The following FGF12 variants were observed in gnomAD, a reference collection of about 807,000 sequenced individuals.
FGF12 encodes the protein fibroblast growth factor 12B.
A neutral mutation model predicts 23.6 loss-of-function variants in FGF12; 14 were observed. The ratio of observed to expected loss-of-function variants is 0.59; its 90% CI spans 0.39 to 0.93. The LOEUF (loss-of-function observed/expected upper bound fraction) is 0.93. FGF12 is among the 40% of genes least tolerant of loss of function. The pLI is 0.00. For synonymous variants in FGF12, 62 were observed against 77.3 expected (o/e 0.80, Z 1.04); for missense variants, 175 against 217.8 (o/e 0.80, Z 1.24).
intron 4 of FGF12, among the ~76,000 whole-genome samples, chr3:192,282,452 C>T (rs866192587): frequency 6.6e-6 from 1 of 152,010 alleles, no homozygotes; most frequent in Non-Finnish European, 1.5e-5. Flanking sequence ...CACTGTGTGC[C>T]GTCCCTCCAT....
At chr3:192,327,123 G>A (rs1299690039) in intron 4 of FGF12, among the ~76,000 whole-genome samples, 2 of 152,138 alleles carry the variant, frequency 1.3e-5, no homozygotes, top group East Asian at 1.9e-4. Flanking sequence ...ACCTCACTAA[G>A]CCTCAGCTCT....
intron 2 of FGF12, among the ~76,000 whole-genome samples, chr3:192,712,268 AAAC>A (rs1325327221): frequency 6.6e-6 from 1 of 151,816 alleles, no homozygotes; most frequent in African/African-American, 2.4e-5. Context: ...TACCAGAACA[AAAC>A]AACAATAACA....
chr3:192,501,537 A>T (rs1052817242), intron 2 of FGF12, among the ~76,000 whole-genome samples: 1 of 152,214 alleles, frequency 6.6e-6, no homozygotes, highest in African/African-American at 2.4e-5. Flanking sequence ...ATGATGACTC[A>T]TCTAGGGCTA....
At chr3:192,694,749 CA>C (rs1718059826) in intron 2 of FGF12, among the ~76,000 whole-genome samples, 1 of 151,914 alleles carries the variant, frequency 6.6e-6, no homozygotes, top group African/African-American at 2.4e-5. Context: ...ACCTGGAGAA[CA>C]TTATGCTAAG....
chr3:192,649,530 T>C, intron 2 of FGF12, among the ~76,000 whole-genome samples: 1 of 152,156 alleles, frequency 6.6e-6, no homozygotes, highest in Non-Finnish European at 1.5e-5. Context: ...AAAATTACAC[T>C]GAAATATCAT....
intron 4 of FGF12, among the ~76,000 whole-genome samples, chr3:192,175,190 G>A (rs1715787274): frequency 6.6e-6 from 1 of 152,210 alleles, no homozygotes; most frequent in South Asian, 2.1e-4. Flanking sequence ...AACGGAAACA[G>A]GCAGGCTTGG....
chr3:192,461,986 G>C (rs1359210780), intron 2 of FGF12, among the ~76,000 whole-genome samples: 1 of 149,946 alleles, frequency 6.7e-6, no homozygotes, highest in Non-Finnish European at 1.5e-5. Context: ...GCGAAACTCT[G>C]TCACAAGAAA....
At chr3:192,589,310 G>T (rs1713525710) in intron 2 of FGF12, among the ~76,000 whole-genome samples, 1 of 150,100 alleles carries the variant, frequency 6.7e-6, no homozygotes, top group African/African-American at 2.5e-5. Flanking sequence ...CCTCCAGCCT[G>T]GTGACAGAGT....
At chr3:192,375,133 T>C (rs1719423685) in intron 2 of FGF12, among the ~76,000 whole-genome samples, 1 of 152,230 alleles carries the variant, frequency 6.6e-6, no homozygotes, top group Admixed American at 6.5e-5. Context: ...GATTATCTCA[T>C]TCAACATTGT....
chr3:192,541,103 A>T (rs1725352594), intron 2 of FGF12, among the ~76,000 whole-genome samples: 1 of 152,118 alleles, frequency 6.6e-6, no homozygotes. Context: ...CTTTGATTGA[A>T]GAGTTTAGTC....
At chr3:192,631,327 C>T (rs913487964) in intron 2 of FGF12, among the ~76,000 whole-genome samples, 8 of 152,226 alleles carry the variant, frequency 5.3e-5, no homozygotes, top group African/African-American at 1.9e-4. Flanking sequence ...CCTCACACTC[C>T]TCTAGCATCC....
chr3:192,511,699 T>TA lies in FGF12; in HGVS notation c.14-151162dup, dbSNP rs199650079. Among the ~76,000 whole-genome samples the TA allele has an allele frequency of 4.4e-3, 668 of 152,156 alleles. 5 individuals are homozygous for TA. Among genetic ancestry groups the TA allele is most frequent in the African/African-American group, 0.016 (648 of 41,512 alleles). ...ATTTAATGGATGGGTTTTACATGCT[T>TA]AAAAAAATTCATTTTGAGAAATGGA... On this transcript the variant is annotated intron_variant, in intron 2 of 5. Transcript: ENST00000445105.
chr3:192,458,520 T>A (rs1266039285), intron 2 of FGF12, among the ~76,000 whole-genome samples: 1 of 152,210 alleles, frequency 6.6e-6, no homozygotes, highest in Non-Finnish European at 1.5e-5. Context: ...TCACAGGTTT[T>A]TGGACTTGAA....
chr3:192,496,446 G>A (rs981849092), intron 2 of FGF12, among the ~76,000 whole-genome samples: 19 of 151,890 alleles, frequency 1.3e-4, no homozygotes, highest in Admixed American at 1.2e-3. Flanking sequence ...TGCAATATCC[G>A]CCGTCTTTTT....
chr3:192,488,013 A>C lies in FGF12; in HGVS notation c.14-127475T>G, dbSNP rs112256295. On this transcript the variant is annotated intron_variant, in intron 2 of 5. Coordinates refer to ENST00000445105, the MANE Select transcript of FGF12 (RefSeq NM_004113.6). The stretch of plus-strand genomic sequence containing the variant: ...ATATGAGATGGCTAAATGGAAAACC[A>C]TGCTCATGCTTGCTGACAAGATCTC... 3.3e-3 allele frequency among the ~76,000 whole-genome samples: 507 copies of C among 152,244 alleles called. 3 individuals are homozygous for C. Among genetic ancestry groups the C allele is most frequent in the African/African-American group, 0.011 (475 of 41,550 alleles).
intron 2 of FGF12, among the ~76,000 whole-genome samples, chr3:192,420,372 G>A (rs1721486962): frequency 1.3e-5 from 2 of 152,134 alleles, no homozygotes; most frequent in African/African-American, 4.8e-5. Flanking sequence ...AGTAATCACA[G>A]AGAAATCTGG....
chr3:192,183,402 A>G (rs1288105207), intron 4 of FGF12, among the ~76,000 whole-genome samples: 1 of 152,144 alleles, frequency 6.6e-6, no homozygotes, highest in Non-Finnish European at 1.5e-5. Flanking sequence ...AACAGTTCTG[A>G]TGGCACTGAA....
chr3:192,447,168 T>G (rs113320874), intron 2 of FGF12, among the ~76,000 whole-genome samples: 3 of 152,352 alleles, frequency 2.0e-5, no homozygotes, highest in African/African-American at 7.2e-5. Flanking sequence ...CATTTGTTGC[T>G]GTGTTCCTAG....
intron 3 of FGF12, among the ~76,000 whole-genome samples, chr3:192,341,240 T>C (rs1717674653): frequency 6.6e-6 from 1 of 152,110 alleles, no homozygotes; most frequent in South Asian, 2.1e-4. Context: ...ATCAGATAAT[T>C]ATGAGCTGTT....
Sources: allele counts gnomAD v4.1 joint callset (sites outside exome capture counted in the v4.1 genomes callset), GRCh38; gene constraint gnomAD v4.1.1; transcripts MANE v1.5; gene names NCBI Gene and HGNC (gene_info 2026-07-23, HGNC 2026-07-21).